Variants in NCKAP5 observed in about 807,000 individuals in gnomAD.
NCKAP5 encodes the protein NCK associated protein 5.
NCKAP5 carries 92 observed loss-of-function variants against 167.0 expected under a neutral mutation model. The observed-to-expected ratio is 0.55, with a 90% CI of 0.47 to 0.66. The LOEUF (loss-of-function observed/expected upper bound fraction) is 0.66, where lower values mean the gene tolerates loss of function less well. NCKAP5 is among the 30% of genes least tolerant of loss of function. NCKAP5 has a pLI of 0.00. For synonymous variants in NCKAP5, 891 were observed against 877.4 expected, an observed-to-expected ratio of 1.02 and a Z score of -0.27; for missense variants, 2,378 against 2,315.0, an observed-to-expected ratio of 1.03 and a Z score of -0.56.
intron 5 of NCKAP5, among the ~76,000 whole-genome samples, chr2:133,190,574 A>G (rs1365555622): frequency 1.3e-5 from 2 of 152,194 alleles, no homozygotes; most frequent in Admixed American, 6.5e-5. Context: ...AAACAGAGAT[A>G]TAGACCAATG....
At chr2:133,575,978 C>A in the NCKAP5 span, among the ~76,000 whole-genome samples, 1 of 152,226 alleles carries the variant, frequency 6.6e-6, no homozygotes, top group Admixed American at 6.5e-5. Context: ...TTCTATGCCT[C>A]AGTAGTTCCC....
At position 132,672,507 on chromosome 2, in the gene NCKAP5, T is replaced by C. The variant is rs2104945689; in HGVS notation, c.*782A>G. 6.6e-6 allele frequency: 1 copy of C among 152,386 alleles called. No individual in the cohort carries two copies. Among genetic ancestry groups the C allele is most frequent in the Admixed American group, 6.5e-5 (1 of 15,298 alleles). 9.4% of individuals were successfully genotyped at this position (152,386 alleles called of 1,614,324 possible). A position where few individuals can be genotyped will look rare whatever the true frequency, so the allele number is the denominator to read the frequency against. ...TTCCATCAAATTGAGATTTGTGAGA[T>C]GGAGATGAGGAGGAACCCTCCGATT... On this transcript the variant is annotated 3_prime_UTR_variant, in exon 20 of 20. Coordinates refer to ENST00000409261, the MANE Select transcript of NCKAP5 (RefSeq NM_207363.3).
At chr2:133,389,996 C>T (rs1288080569) in intron 3 of NCKAP5, among the ~76,000 whole-genome samples, 3 of 152,286 alleles carry the variant, frequency 2.0e-5, no homozygotes, top group Admixed American at 1.3e-4. Flanking sequence ...TGAAGCATCC[C>T]GATTGACTCC....
intron 3 of NCKAP5, among the ~76,000 whole-genome samples, chr2:133,317,478 G>A (rs1298366731): frequency 6.6e-6 from 1 of 152,118 alleles, no homozygotes. Context: ...GAGCCATGAG[G>A]CTGGGTGGGG....
intron 19 of NCKAP5, among the ~76,000 whole-genome samples, chr2:132,713,199 C>A (rs1558958074): frequency 6.6e-6 from 1 of 151,770 alleles, no homozygotes; most frequent in African/African-American, 2.4e-5. Flanking sequence ...GCTAGGGACA[C>A]AGAGATGGAG....
chr2:133,483,657 G>T (rs1361604201), intron 3 of NCKAP5, among the ~76,000 whole-genome samples: 1 of 151,236 alleles, frequency 6.6e-6, no homozygotes, highest in Non-Finnish European at 1.5e-5. Flanking sequence ...TCTTAAAATA[G>T]AATTCAGAAC....
intron 9 of NCKAP5, among the ~76,000 whole-genome samples, chr2:132,877,684 G>T (rs781120335): frequency 2.0e-5 from 3 of 152,190 alleles, no homozygotes; most frequent in Non-Finnish European, 4.4e-5. Flanking sequence ...AAGGGAACAA[G>T]AGTTATATAC....
chr2:133,481,836 G>A (rs1409331005), intron 3 of NCKAP5, among the ~76,000 whole-genome samples: 1 of 152,128 alleles, frequency 6.6e-6, no homozygotes, highest in Non-Finnish European at 1.5e-5. Flanking sequence ...GTCTATCAAT[G>A]ATGGTCATTT....
intron 2 of NCKAP5, among the ~76,000 whole-genome samples, chr2:133,522,649 T>C (rs966690168): frequency 2.0e-5 from 3 of 152,248 alleles, no homozygotes; most frequent in South Asian, 2.1e-4. Flanking sequence ...TGTGAACATA[T>C]AAAGAGCAGG....
At chr2:133,468,327 G>T (rs1342894094) in intron 3 of NCKAP5, among the ~76,000 whole-genome samples, 2 of 146,184 alleles carry the variant, frequency 1.4e-5, no homozygotes, top group African/African-American at 2.6e-5. Flanking sequence ...GGTTTTGAGT[G>T]AGATTCTTAA....
At chr2:133,310,205 C>G (rs1681133438) in intron 3 of NCKAP5, among the ~76,000 whole-genome samples, 1 of 152,228 alleles carries the variant, frequency 6.6e-6, no homozygotes, top group Non-Finnish European at 1.5e-5. Flanking sequence ...AGAAAGGTGT[C>G]TCATAACTAA....
chr2:132,682,404 C>T (rs1199334769), intron 19 of NCKAP5, among the ~76,000 whole-genome samples: 1 of 152,168 alleles, frequency 6.6e-6, no homozygotes, highest in African/African-American at 2.4e-5. Flanking sequence ...GTTCCTGCCA[C>T]ATCCTTTGTT....
chr2:133,632,012 A>C, the NCKAP5 span, among the ~76,000 whole-genome samples: 1 of 152,204 alleles, frequency 6.6e-6, no homozygotes, highest in Non-Finnish European at 1.5e-5. Flanking sequence ...GATTCTAGAC[A>C]CACCACAGCC....
At chr2:133,581,058 A>G in the NCKAP5 span, among the ~76,000 whole-genome samples, 1 of 152,162 alleles carries the variant, frequency 6.6e-6, no homozygotes, top group South Asian at 2.1e-4. Flanking sequence ...TATCTACCTT[A>G]GTCCCTAACA....
chr2:133,421,908 T>G (rs2151094596), intron 3 of NCKAP5, among the ~76,000 whole-genome samples: 1 of 152,344 alleles, frequency 6.6e-6, no homozygotes, highest in East Asian at 1.9e-4. Context: ...GCCTGCTCTA[T>G]TCAATTCAAC....
chr2:133,542,948 T>C (rs779503380), intron 2 of NCKAP5, among the ~76,000 whole-genome samples: 11 of 152,224 alleles, frequency 7.2e-5, no homozygotes, highest in Non-Finnish European at 1.5e-4. Flanking sequence ...AGGATCATAA[T>C]ACTATTTACC....
intron 12 of NCKAP5, among the ~76,000 whole-genome samples, chr2:132,794,499 G>A (rs1409530610): frequency 2.0e-5 from 3 of 151,432 alleles, no homozygotes; most frequent in Non-Finnish European, 2.9e-5. Context: ...AGCCAGGCAT[G>A]GTGGTGTGCA....
At chr2:133,599,273 C>T in the NCKAP5 span, among the ~76,000 whole-genome samples, 24,519 of 152,132 alleles carry the variant, frequency 0.16, 2,069 homozygotes, top group East Asian at 0.3. Context: ...CAGTGACATC[C>T]TAGAAGGCAC....
intron 3 of NCKAP5, among the ~76,000 whole-genome samples, chr2:133,471,039 C>T (rs889765340): frequency 1.3e-5 from 2 of 152,210 alleles, no homozygotes; most frequent in Non-Finnish European, 2.9e-5. Flanking sequence ...CTCCTCCCCC[C>T]CTGCTTTTGC....
Sources: allele counts gnomAD v4.1 joint callset (sites outside exome capture counted in the v4.1 genomes callset), GRCh38; gene constraint gnomAD v4.1.1; transcripts MANE v1.5; gene names NCBI Gene and HGNC (gene_info 2026-07-23, HGNC 2026-07-21).